Variants in VPS13D observed in about 807,000 individuals in gnomAD.
VPS13D encodes the protein vacuolar protein sorting 13 homolog D, also known as intermembrane lipid transfer protein VPS13D.
In VPS13D, 187 loss-of-function variants were observed where a neutral mutation model predicts 461.9. The ratio of observed to expected loss-of-function variants is 0.40; its 90% CI spans 0.36 to 0.46. The LOEUF (loss-of-function observed/expected upper bound fraction) is 0.46, where lower values mean the gene tolerates loss of function less well. Ranked by LOEUF, VPS13D falls within the 20% of genes least tolerant of loss-of-function variation. VPS13D has a pLI of 0.60. For missense variants in VPS13D, 4,711 were observed against 5,364.9 expected, an observed-to-expected ratio of 0.88 and a Z score of 3.81; for synonymous variants, 1,951 against 1,986.3, an observed-to-expected ratio of 0.98 and a Z score of 0.47.
chr1:12,339,429 A>C (rs1361612546), intron 40 of VPS13D, among the ~76,000 whole-genome samples: 1 of 152,220 alleles, frequency 6.6e-6, no homozygotes, highest in Non-Finnish European at 1.5e-5. Context: ...TATAATGGCA[A>C]AATTACTGTG....
intron 66 of VPS13D, among the ~76,000 whole-genome samples, 157 bp downstream of exon 66, chr1:12,456,287 A>T (rs1645326065): frequency 6.6e-6 from 1 of 152,062 alleles, no homozygotes; most frequent in Non-Finnish European, 1.5e-5. Flanking sequence ...GTGGATCATG[A>T]GGTCAGGAGT....
chr1:12,313,620 G>A (rs1223366391), intron 29 of VPS13D, among the ~76,000 whole-genome samples: 1 of 152,106 alleles, frequency 6.6e-6, no homozygotes, highest in African/African-American at 2.4e-5. Context: ...TGCATTTCCT[G>A]TTGGTAGATT....
chr1:12,242,548 G>C lies in VPS13D; in HGVS notation c.133G>C (p.Asp45His). The C allele has an allele frequency of 6.2e-7, 1 of 1,614,164 alleles. No individual in the cohort carries two copies. Among genetic ancestry groups the C allele is most frequent in the East Asian group, 2.2e-5 (1 of 44,880 alleles). ...VELENLPLKK[D>H]ALKELELPFE... ...ATTAGAAAACTTGCCATTAAAGAAAGATGCCTTGAAAGAATTGGAATTACC... is the reference window on the plus strand; with the variant it reads ...ATTAGAAAACTTGCCATTAAAGAAACATGCCTTGAAAGAATTGGAATTACC... The change falls in exon 3 of 70, where the codon GAT becomes CAT. Residue 45 changes from aspartate to histidine, a missense_variant. By Grantham distance (81) the Asp-to-His change is moderately conservative. This residue lies in a region of VPS13D where 4,411 missense variants were observed against 4,937.8 expected (regional missense o/e 0.89). Coordinates refer to ENST00000620676, the MANE Select transcript of VPS13D (RefSeq NM_015378.4).
intron 2 of VPS13D, among the ~76,000 whole-genome samples, chr1:12,239,355 T>A (rs1215900909): frequency 6.6e-6 from 1 of 152,186 alleles, no homozygotes. Flanking sequence ...CCAAGGCTGG[T>A]CTTGAATTCT....
Position 12,425,167 on chromosome 1 carries a change from GTTCT to G in VPS13D, c.12333+8345_12333+8348del, listed in dbSNP as rs565345104. ...TTAAATTTCTTTCTACCTTATAATT[GTTCT>G]TTCTAAAAGTCTGTCTCCATCTTGA... On this transcript the variant is annotated intron_variant, in intron 65 of 69. Transcript: ENST00000620676. Among the ~76,000 whole-genome samples the G allele has an allele frequency of 3.1e-3, 464 of 151,804 alleles. 1 individual carries two copies. Among genetic ancestry groups the G allele is most frequent in the Admixed American group, 5.3e-3 (81 of 15,256 alleles).
intron 25 of VPS13D, among the ~76,000 whole-genome samples, chr1:12,301,208 T>G (rs1325197737): frequency 6.6e-6 from 1 of 152,232 alleles, no homozygotes; most frequent in East Asian, 1.9e-4. Context: ...CTAACCATTT[T>G]CCGACTGTGC....
chr1:12,299,376 C>A lies in VPS13D; in HGVS notation c.6208C>A (p.Gln2070Lys). The change falls in exon 25 of 70, where the codon CAA becomes AAA. Residue 2070 changes from glutamine to lysine, a missense_variant. By Grantham distance (53) the Gln-to-Lys change is moderately conservative. This residue lies in a region of VPS13D where 4,411 missense variants were observed against 4,937.8 expected (regional missense o/e 0.89). Transcript: ENST00000620676. The surrounding 1 kb of genome is among the most constrained non-coding windows in gnomAD (Gnocchi z 4.2). ...FAGFPGTFSLQDKESVPSASP... is the reference protein window; with the variant it reads ...FAGFPGTFSLKDKESVPSASP... ...TGGTTTTCCTGGCACCTTTTCCCTACAAGATAAGGTGAGCAATCAGTATCC... is the reference window on the plus strand; with the variant it reads ...TGGTTTTCCTGGCACCTTTTCCCTAAAAGATAAGGTGAGCAATCAGTATCC... 2 of 1,608,704 alleles carry A rather than the reference C, an allele frequency of 1.2e-6. No homozygotes were observed. The highest frequency in any genetic ancestry group is 1.7e-6 in the Non-Finnish European group (2 of 1,178,294).
intron 63 of VPS13D, among the ~76,000 whole-genome samples, chr1:12,411,335 G>A (rs1030231181): frequency 3.3e-5 from 5 of 151,960 alleles, no homozygotes; most frequent in South Asian, 2.1e-4. Context: ...AAATTTGGAG[G>A]CTATTAAGAA....
chr1:12,343,983 TA>T (rs1352608304), intron 42 of VPS13D, among the ~76,000 whole-genome samples: 1 of 152,210 alleles, frequency 6.6e-6, no homozygotes, highest in Non-Finnish European at 1.5e-5. Context: ...ATTCTGATTC[TA>T]AAAAGAACTG....
intron 37 of VPS13D, among the ~76,000 whole-genome samples, chr1:12,332,566 A>C (rs976692069): frequency 6.6e-6 from 1 of 152,184 alleles, no homozygotes; most frequent in Non-Finnish European, 1.5e-5. Flanking sequence ...AATTATAAAG[A>C]AGAGCAAGGA....
At chr1:12,254,710 G>C (rs908439216) in intron 7 of VPS13D, among the ~76,000 whole-genome samples, 3 of 151,412 alleles carry the variant, frequency 2.0e-5, no homozygotes, top group African/African-American at 7.3e-5. Flanking sequence ...TTTTAGTAGA[G>C]ATGGGGTTTC....
chr1:12,336,213 T>A (rs1220271025), intron 39 of VPS13D: 2 of 199,994 alleles, frequency 1.0e-5, no homozygotes, highest in Non-Finnish European at 2.0e-5. Flanking sequence ...TCTAAAATGG[T>A]CTTCTAAATC....
intron 65 of VPS13D, among the ~76,000 whole-genome samples, chr1:12,422,543 G>T (rs1005259382): frequency 6.6e-6 from 1 of 152,098 alleles, no homozygotes; most frequent in Non-Finnish European, 1.5e-5. Flanking sequence ...TGTTTTTTAT[G>T]AATTTGACAG....
intron 67 of VPS13D, among the ~76,000 whole-genome samples, chr1:12,466,880 G>C (rs1281134746): frequency 6.6e-6 from 1 of 152,168 alleles, no homozygotes; most frequent in Non-Finnish European, 1.5e-5. Flanking sequence ...TGAAGGGAAG[G>C]GACTGTCAAA....
At chr1:12,431,633 A>G (rs764420775) in intron 65 of VPS13D, among the ~76,000 whole-genome samples, 3 of 151,608 alleles carry the variant, frequency 2.0e-5, no homozygotes, top group African/African-American at 4.9e-5. Flanking sequence ...AGTACAAGGG[A>G]CTAAGTCATA....
chr1:12,270,354 G>A (rs1480719384), intron 16 of VPS13D, among the ~76,000 whole-genome samples: 2 of 151,920 alleles, frequency 1.3e-5, no homozygotes, highest in Non-Finnish European at 2.9e-5. Flanking sequence ...CTACTCGGGA[G>A]GCAGGAGACT....
At chr1:12,294,294 AC>A (rs748269511) in intron 24 of VPS13D, among the ~76,000 whole-genome samples, 19 of 152,242 alleles carry the variant, frequency 1.2e-4, no homozygotes, top group Non-Finnish European at 2.4e-4. Context: ...GTATTGCATA[AC>A]TTCTCAAACT....
At chr1:12,333,204 C>T (rs1643373787) in intron 37 of VPS13D, 22 bp from the exon 38 acceptor site, 1 of 1,611,828 alleles carries the variant, frequency 6.2e-7, no homozygotes, top group Non-Finnish European at 8.5e-7. Flanking sequence ...GAACAGATGT[C>T]TTATTTCCTG....
At chr1:12,472,436 G>C (rs1645575483) in intron 67 of VPS13D, among the ~76,000 whole-genome samples, 1 of 152,166 alleles carries the variant, frequency 6.6e-6, no homozygotes, top group Non-Finnish European at 1.5e-5. Context: ...AGGCCTATCT[G>C]TTTCTCCTTT....
Sources: allele counts gnomAD v4.1 joint callset (sites outside exome capture counted in the v4.1 genomes callset), GRCh38; gene constraint gnomAD v4.1.1; regional missense constraint gnomAD v4.1.1; non-coding constraint Gnocchi (gnomAD v3.1); transcripts MANE v1.5; gene names NCBI Gene and HGNC (gene_info 2026-07-23, HGNC 2026-07-21).